L3MBTL4: variants seen among roughly 807,000 people sequenced by gnomAD.
L3MBTL4 encodes L3MBTL histone methyl-lysine binding protein 4.
In L3MBTL4, 70 loss-of-function variants were observed where a neutral mutation model predicts 84.5. The observed-to-expected ratio is 0.83, with a 90% CI of 0.68 to 1.01. The LOEUF (loss-of-function observed/expected upper bound fraction) is 1.01, where lower values mean the gene tolerates loss of function less well. L3MBTL4 is among the 50% of genes least tolerant of loss of function. The pLI is 0.00. For synonymous variants in L3MBTL4, 274 were observed against 259.8 expected (o/e 1.05, Z -0.52); for missense variants, 715 against 754.8 (o/e 0.95, Z 0.62).
chr18:6,259,883 G>A (rs1471946468), intron 5 of L3MBTL4: 1 of 152,080 alleles, frequency 6.6e-6, no homozygotes, highest in East Asian at 1.9e-4. Context: ...TGAGAATGGT[G>A]TCTCCTAGGT....
intron 4 of L3MBTL4, among the ~76,000 whole-genome samples, chr18:6,286,102 T>C (rs2146642723): frequency 6.6e-6 from 1 of 151,346 alleles, no homozygotes; most frequent in Non-Finnish European, 1.5e-5. Flanking sequence ...AGTGCTGGGA[T>C]TAAAGGCGTG....
intron 1 of L3MBTL4, among the ~76,000 whole-genome samples, chr18:6,351,072 T>A (rs970466093): frequency 6.6e-6 from 1 of 152,104 alleles, no homozygotes; most frequent in Non-Finnish European, 1.5e-5. Context: ...GGCACGCACC[T>A]GTAATCCCAG....
chr18:6,307,103 T>C (rs2050619604), intron 3 of L3MBTL4, among the ~76,000 whole-genome samples: 2 of 152,004 alleles, frequency 1.3e-5, no homozygotes, highest in African/African-American at 4.8e-5. Context: ...CTTTCTTACC[T>C]CTCAAGGTTA....
At chr18:6,093,583 A>T in intron 14 of L3MBTL4, 55 bp from the exon 15 acceptor site, 3 of 1,443,544 alleles carry the variant, frequency 2.1e-6, no homozygotes, top group African/African-American at 1.5e-5. Context: ...TAAATCAGGG[A>T]TCCATTGTCA....
At chr18:6,349,005 C>T (rs1350689491) in intron 1 of L3MBTL4, among the ~76,000 whole-genome samples, 1 of 152,170 alleles carries the variant, frequency 6.6e-6, no homozygotes, top group Admixed American at 6.5e-5. Flanking sequence ...AAAGTTACAC[C>T]ATTACACAGC....
intron 18 of L3MBTL4, among the ~76,000 whole-genome samples, chr18:5,958,133 G>GAAGAAGAAA (rs2095242708): frequency 1.0e-4 from 6 of 57,958 alleles, no homozygotes; most frequent in East Asian, 4.5e-4. Flanking sequence ...AGAAGAAAAA[G>GAAGAAGAAA]AAGAAGAAGA....
chr18:6,039,267 T>C (rs919714322), intron 16 of L3MBTL4, among the ~76,000 whole-genome samples: 6 of 152,130 alleles, frequency 3.9e-5, no homozygotes, highest in Non-Finnish European at 8.8e-5. Flanking sequence ...AGCTGACTAA[T>C]ACAGTTGCTA....
chr18:6,376,663 G>C (rs539276819), intron 1 of L3MBTL4, among the ~76,000 whole-genome samples: 27 of 152,234 alleles, frequency 1.8e-4, no homozygotes, highest in Admixed American at 1.6e-3. Context: ...ACTTGGACAT[G>C]GGAGGTTGAG....
intron 14 of L3MBTL4, among the ~76,000 whole-genome samples, chr18:6,134,507 T>C (rs1209666994): frequency 6.6e-6 from 1 of 152,128 alleles, no homozygotes; most frequent in Non-Finnish European, 1.5e-5. Context: ...AAAAGCAAGC[T>C]AGTTACTTCC....
chr18:6,187,085 T>C (rs1426415036), intron 12 of L3MBTL4, among the ~76,000 whole-genome samples: 3 of 152,210 alleles, frequency 2.0e-5, no homozygotes, highest in Non-Finnish European at 4.4e-5. Flanking sequence ...ATCTCAGTTA[T>C]AGATGATATG....
intron 12 of L3MBTL4, among the ~76,000 whole-genome samples, chr18:6,193,693 G>A (rs1354794653): frequency 6.6e-6 from 1 of 152,178 alleles, no homozygotes; most frequent in Non-Finnish European, 1.5e-5. Context: ...GGAGCAGGTG[G>A]TGCCAGGCTG....
chr18:6,322,315 G>T (rs1260312041), intron 1 of L3MBTL4, among the ~76,000 whole-genome samples: 1 of 151,672 alleles, frequency 6.6e-6, no homozygotes, highest in Non-Finnish European at 1.5e-5. Context: ...TCCATTCTGG[G>T]TGACAGAGTG....
At chr18:6,018,542 T>G (rs1386046971) in intron 16 of L3MBTL4, among the ~76,000 whole-genome samples, 1 of 152,198 alleles carries the variant, frequency 6.6e-6, no homozygotes, top group Non-Finnish European at 1.5e-5. Context: ...TGGCATCAGC[T>G]ACATCCAGAA....
Position 6,400,594 on chromosome 18 carries a change from T to C in L3MBTL4, c.-91+14207A>G, listed in dbSNP as rs770727916. 2.0e-5 allele frequency among the ~76,000 whole-genome samples: 3 copies of C among 152,174 alleles called. No homozygotes were observed. In the South Asian group the frequency reaches 6.2e-4, roughly 31 times the overall value. Reference sequence around the variant, plus strand: ...CTGGTTAATTTTTTCGTATTTTTAGTAGAGACAGGATTTCAACATATTTCC... The same window carrying C: ...CTGGTTAATTTTTTCGTATTTTTAGCAGAGACAGGATTTCAACATATTTCC... On this transcript the variant is annotated intron_variant, in intron 1 of 18. Coordinates refer to ENST00000317931, the MANE Select transcript of L3MBTL4 (RefSeq NM_001330559.2).
intron 10 of L3MBTL4, among the ~76,000 whole-genome samples, chr18:6,236,237 C>T (rs1451393691): frequency 6.6e-6 from 1 of 152,160 alleles, no homozygotes; most frequent in East Asian, 1.9e-4. Context: ...ATAAATTGGA[C>T]ATACGAACCA....
intron 4 of L3MBTL4, among the ~76,000 whole-genome samples, chr18:6,269,349 C>T (rs947782449): frequency 1.2e-4 from 18 of 151,604 alleles, no homozygotes; most frequent in African/African-American, 3.2e-4. Context: ...TCCAGCTACT[C>T]GGGAGGCTGA....
At chr18:6,287,807 G>A (rs1195502560) in intron 4 of L3MBTL4, among the ~76,000 whole-genome samples, 1 of 152,094 alleles carries the variant, frequency 6.6e-6, no homozygotes, top group Non-Finnish European at 1.5e-5. Flanking sequence ...CCAAAATTTG[G>A]TTCACAGCCT....
intron 1 of L3MBTL4, among the ~76,000 whole-genome samples, chr18:6,367,844 A>T (rs769727711): frequency 6.6e-6 from 1 of 152,198 alleles, no homozygotes; most frequent in Non-Finnish European, 1.5e-5. Flanking sequence ...CAAGATACGG[A>T]TTCGGCATTA....
At chr18:6,190,719 C>T (rs1002441719) in intron 12 of L3MBTL4, among the ~76,000 whole-genome samples, 6 of 152,002 alleles carry the variant, frequency 3.9e-5, no homozygotes, top group Non-Finnish European at 8.8e-5. Flanking sequence ...GAATGTTTTG[C>T]ATATTAAAAG....
Sources: allele counts gnomAD v4.1 joint callset (sites outside exome capture counted in the v4.1 genomes callset), GRCh38; gene constraint gnomAD v4.1.1; transcripts MANE v1.5; gene names NCBI Gene and HGNC (gene_info 2026-07-23, HGNC 2026-07-21).